RBKS: variants seen among roughly 807,000 people sequenced by gnomAD.
RBKS encodes ribokinase.
In RBKS, 33 loss-of-function variants were observed where a neutral mutation model predicts 33.9. The ratio of observed to expected loss-of-function variants is 0.97; its 90% confidence interval spans 0.74 to 1.30. RBKS has a LOEUF of 1.30. Ranked by LOEUF, RBKS falls within the 50% of genes most tolerant of loss-of-function variation. RBKS has a pLI of 0.00. For synonymous variants in RBKS, 125 were observed against 143.0 expected, an observed-to-expected ratio of 0.87 and a Z score of 0.90; for missense variants, 361 against 392.6, an observed-to-expected ratio of 0.92 and a Z score of 0.68.
At position 27,837,996 on chromosome 2, in the gene RBKS, T is replaced by G. The variant is rs1027702256; in HGVS notation, c.514+5071A>C. Among the ~76,000 whole-genome samples the G allele has an allele frequency of 6.6e-6, 1 of 152,048 alleles. No individual in the cohort carries two copies. The highest frequency in any genetic ancestry group is 2.4e-5 in the African/African-American group (1 of 41,392). ...AGGTGGATCACCTGAGGTAAGAAGT[T>G]CAAGACAAGCCTGGCCAACATGGTG... On this transcript the variant is annotated intron_variant, in intron 5 of 7. Coordinates refer to ENST00000302188, the MANE Select transcript of RBKS (RefSeq NM_022128.3). This position sits in a 1 kb window ranked among gnomAD's most constrained non-coding sequence, Gnocchi z 4.0.
intron 7 of RBKS, among the ~76,000 whole-genome samples, chr2:27,796,239 C>T (rs4666013): frequency 0.29 from 43,744 of 151,714 alleles, 7,075 homozygotes; most frequent in East Asian, 0.59. Flanking sequence ...TTTTTTTAAA[C>T]GGAAAGTGCT....
intron 1 of RBKS, among the ~76,000 whole-genome samples, chr2:27,883,441 T>C (rs1162269513): frequency 6.6e-6 from 1 of 152,096 alleles, no homozygotes; most frequent in East Asian, 1.9e-4. Context: ...CCTCGTGATC[T>C]GCCCGCCTCG....
At chr2:27,833,867 G>T (rs1678468907) in intron 5 of RBKS, among the ~76,000 whole-genome samples, 1 of 152,092 alleles carries the variant, frequency 6.6e-6, no homozygotes, top group South Asian at 2.1e-4. Context: ...TCTCAACCCA[G>T]GTCCACTGAC....
chr2:27,803,570 G>T (rs964434385), intron 7 of RBKS, among the ~76,000 whole-genome samples: 1 of 151,910 alleles, frequency 6.6e-6, no homozygotes, highest in Non-Finnish European at 1.5e-5. Flanking sequence ...TGTACTTATA[G>T]TCCCGCCTGC....
intron 1 of RBKS, among the ~76,000 whole-genome samples, chr2:27,860,690 C>T (rs1165109480): frequency 6.6e-6 from 1 of 152,160 alleles, no homozygotes; most frequent in African/African-American, 2.4e-5. Flanking sequence ...TTCTAAACAA[C>T]TTCTATTAAC....
At chr2:27,875,498 A>G (rs1434165207) in intron 1 of RBKS, among the ~76,000 whole-genome samples, 2 of 152,224 alleles carry the variant, frequency 1.3e-5, no homozygotes, top group African/African-American at 4.8e-5. Flanking sequence ...GGCTGCAGTG[A>G]GCTGCGATCG....
At chr2:27,858,306 A>T in intron 2 of RBKS, 133 bp downstream of exon 2, 1 of 770,932 alleles carries the variant, frequency 1.3e-6, no homozygotes, top group Non-Finnish European at 2.0e-6. Flanking sequence ...TGAATGTATT[A>T]AATGCCACTC....
chr2:27,864,170 G>A (rs1664042494), intron 1 of RBKS, among the ~76,000 whole-genome samples: 2 of 151,842 alleles, frequency 1.3e-5, no homozygotes, highest in South Asian at 2.1e-4. Context: ...AGGACTACGG[G>A]GGCACACAAC....
chr2:27,800,771 A>AG (rs1205538242), intron 7 of RBKS, among the ~76,000 whole-genome samples: 1 of 152,238 alleles, frequency 6.6e-6, no homozygotes, highest in Non-Finnish European at 1.5e-5. Context: ...AAAGGCATCC[A>AG]GGAATGCACT....
chr2:27,791,593 G>A (rs1188127841), intron 7 of RBKS, among the ~76,000 whole-genome samples: 6 of 149,754 alleles, frequency 4.0e-5, no homozygotes, highest in African/African-American at 1.5e-4. Flanking sequence ...AACTGCATGT[G>A]TCAATTCCCA....
chr2:27,865,532 C>T (rs1051347231), intron 1 of RBKS, among the ~76,000 whole-genome samples: 1 of 150,488 alleles, frequency 6.6e-6, no homozygotes, highest in South Asian at 2.1e-4. Context: ...TTTACGTTCC[C>T]TGTTTGTGTG....
At position 27,890,235 on chromosome 2, in the gene RBKS, G is replaced by T; in HGVS notation, c.89+22C>A. 6.2e-7 allele frequency: 1 copy of T among 1,610,344 alleles called. No homozygotes were observed. Among genetic ancestry groups the T allele is most frequent in the Non-Finnish European group, 8.5e-7 (1 of 1,177,726 alleles). ...CGCCTCCTCCCCCGAGCCGCAGACTGAGTAACTGGCCCCGGACTAACCTGA... is the reference window on the plus strand; with the variant it reads ...CGCCTCCTCCCCCGAGCCGCAGACTTAGTAACTGGCCCCGGACTAACCTGA... On this transcript the variant is annotated intron_variant, in intron 1 of 7. Transcript: ENST00000302188. The surrounding 1 kb of genome is among the most constrained non-coding windows in gnomAD (Gnocchi z 4.8).
chr2:27,876,394 T>A (rs186163548), intron 1 of RBKS, among the ~76,000 whole-genome samples: 2 of 152,246 alleles, frequency 1.3e-5, no homozygotes, highest in Non-Finnish European at 2.9e-5. Context: ...ACTCCACCTA[T>A]ATGAGATACT....
chr2:27,841,031 A>G (rs143135844), intron 5 of RBKS, among the ~76,000 whole-genome samples: 71 of 152,266 alleles, frequency 4.7e-4, no homozygotes, highest in African/African-American at 1.7e-3. Context: ...GGCTCTTAAT[A>G]AAAGTGTGAA....
At chr2:27,886,231 G>T (rs1664525038) in intron 1 of RBKS, among the ~76,000 whole-genome samples, 1 of 152,108 alleles carries the variant, frequency 6.6e-6, no homozygotes, top group South Asian at 2.1e-4. Flanking sequence ...TGAAAAAAAA[G>T]GTTATTCATT....
intron 5 of RBKS, 103 bp from the exon 6 acceptor site, chr2:27,832,880 T>G (rs1558544665): frequency 1.3e-6 from 1 of 756,476 alleles, no homozygotes; most frequent in Non-Finnish European, 2.3e-6. Context: ...CGTTTTTGTC[T>G]TCATCTGGTT....
chr2:27,868,801 C>T (rs1021061606), intron 1 of RBKS, among the ~76,000 whole-genome samples: 8 of 152,182 alleles, frequency 5.3e-5, no homozygotes, highest in Non-Finnish European at 1.2e-4. Flanking sequence ...TGCTTCTCAG[C>T]TGAGCTAATC....
At chr2:27,858,149 C>T (rs970136851) in intron 2 of RBKS, among the ~76,000 whole-genome samples, 5 of 152,038 alleles carry the variant, frequency 3.3e-5, no homozygotes, top group Non-Finnish European at 5.9e-5. Flanking sequence ...TGAAATGTCC[C>T]GAATAGATAA....
chr2:27,789,907 GTGTGTGTGTT>G (rs1298054025), intron 7 of RBKS, among the ~76,000 whole-genome samples: 5 of 127,316 alleles, frequency 3.9e-5, no homozygotes, highest in African/African-American at 6.7e-5. Flanking sequence ...TAGAGTGTGT[GTGTGTGTGTT>G]TGTGTGTGTA....
Sources: gnomAD v4.1 joint callset for allele counts (sites outside exome capture counted in the v4.1 genomes callset) on GRCh38, gnomAD v4.1.1 for gene constraint, Gnocchi (gnomAD v3.1) non-coding constraint, MANE v1.5 for transcripts, NCBI Gene and HGNC (gene_info 2026-07-23, HGNC 2026-07-21) for gene names.